Variants in LMX1B observed in about 807,000 individuals in gnomAD.
LMX1B encodes LIM homeobox transcription factor 1-beta.
LMX1B carries 12 observed loss-of-function variants against 51.4 expected under a neutral mutation model. The observed-to-expected ratio is 0.23, with a 90% CI of 0.15 to 0.38. LMX1B has a LOEUF of 0.38. Ranked by LOEUF, LMX1B falls within the 10% of genes least tolerant of loss-of-function variation. The pLI, the probability that LMX1B is intolerant of heterozygous loss-of-function variation, is 1.00. For synonymous variants in LMX1B, 237 were observed against 235.4 expected (o/e 1.01, Z -0.06); for missense variants, 445 against 571.1 (o/e 0.78, Z 2.25).
At chr9:126,634,757 C>T (rs761507530) in intron 2 of LMX1B, among the ~76,000 whole-genome samples, 3 of 152,120 alleles carry the variant, frequency 2.0e-5, no homozygotes, top group African/African-American at 4.8e-5. Flanking sequence ...GGGAGGGCCC[C>T]GCTGCGAGTG....
chr9:126,696,319 C>T lies in LMX1B; in HGVS notation c.1077C>T (p.Ile359=), dbSNP rs752551772. Residue 359 remains isoleucine, a synonymous_variant, in exon 8 of 8, where the codon ATC becomes ATT. Coordinates refer to ENST00000373474, the MANE Select transcript of LMX1B (RefSeq NM_001174147.2). ...PYGNDSIFHD[I]DSDTSLTSLS... ...GGAACGACTCCATCTTCCATGACAT[C>T]GACAGCGATACCTCCTTAACCAGCC... The T allele has an allele frequency of 1.5e-5, 24 of 1,613,972 alleles. No homozygotes were observed. The Admixed American group carries it at 2.0e-4, about 13-fold the overall frequency.
At position 126,697,848 on chromosome 9, in the gene LMX1B, TGTTTTGTTTTG is replaced by T. The variant is rs771543585; in HGVS notation, c.*1398_*1408del. 846 of 121,582 alleles carry T rather than the reference TGTTTTGTTTTG, an allele frequency of 7.0e-3. 13 individuals carry two copies. Among genetic ancestry groups the T allele is most frequent in the African/African-American group, 0.023 (689 of 29,852 alleles). 7.5% of individuals were successfully genotyped at this position (121,582 alleles called of 1,614,324 possible). Reference sequence around the variant, plus strand: ...GATGGGGGCACCTACTGTTTTGTTTTGTTTTGTTTTGTTTTGTTTTGTTTTGTTTTGTTTTG... The same window carrying T: ...GATGGGGGCACCTACTGTTTTGTTTTTTTTGTTTTGTTTTGTTTTGTTTTG... On this transcript the variant is annotated 3_prime_UTR_variant, in exon 8 of 8. Transcript: ENST00000373474.
chr9:126,675,191 C>T (rs1328170995), intron 2 of LMX1B, among the ~76,000 whole-genome samples: 2 of 151,752 alleles, frequency 1.3e-5, no homozygotes, highest in Non-Finnish European at 3.0e-5. Context: ...CCAAAATACA[C>T]CCAAAACCAG....
rs927998810 is a variant in LMX1B at position 126,677,951 on chromosome 9, G to A, written c.327-12885G>A. 2.6e-5 allele frequency among the ~76,000 whole-genome samples: 4 copies of A among 152,178 alleles called. No individual in the cohort carries two copies. The highest frequency in any genetic ancestry group is 2.0e-4 in the Admixed American group (3 of 15,278). Reference sequence around the variant, plus strand: ...GGAGATGGTTGGTCCTCCCTCTGGAGGAGAGAGCTACCATGCCTCAAGGTC... The same window carrying A: ...GGAGATGGTTGGTCCTCCCTCTGGAAGAGAGAGCTACCATGCCTCAAGGTC... On this transcript the variant is annotated intron_variant, in intron 2 of 7. Transcript: ENST00000373474. This position sits in a 1 kb window ranked among gnomAD's most constrained non-coding sequence, Gnocchi z 5.0.
At chr9:126,681,130 C>T (rs917867692) in intron 2 of LMX1B, among the ~76,000 whole-genome samples, 2 of 152,294 alleles carry the variant, frequency 1.3e-5, no homozygotes, top group Non-Finnish European at 2.9e-5. Flanking sequence ...CACATGGACA[C>T]GGCTGCTCAC....
intron 2 of LMX1B, 111 bp from the exon 3 acceptor site, chr9:126,690,725 T>G: frequency 1.1e-6 from 1 of 921,896 alleles, no homozygotes. Flanking sequence ...GGCCTCTCCC[T>G]CCCACCTGGG....
chr9:126,689,811 G>A (rs1455549566), intron 2 of LMX1B, among the ~76,000 whole-genome samples: 4 of 152,222 alleles, frequency 2.6e-5, no homozygotes, highest in South Asian at 2.1e-4. Context: ...CTACCCATGC[G>A]ACCCTGAGCA....
chr9:126,632,928 T>C (rs998707982), intron 2 of LMX1B, among the ~76,000 whole-genome samples: 1 of 152,218 alleles, frequency 6.6e-6, no homozygotes, highest in African/African-American at 2.4e-5. Flanking sequence ...AACAAGTGGC[T>C]CTGCCCCTGC....
At position 126,700,558 on chromosome 9, in the gene LMX1B, G is replaced by A. The variant is rs1471546763; in HGVS notation, c.*4107G>A. ...GGGCTAAGTCTGCCCTGGGGGGAAAGGGCTCCACGCTCACACGCACGCGCT... is the reference window on the plus strand; with the variant it reads ...GGGCTAAGTCTGCCCTGGGGGGAAAAGGCTCCACGCTCACACGCACGCGCT... On this transcript the variant is annotated 3_prime_UTR_variant, in exon 8 of 8. Coordinates refer to ENST00000373474, the MANE Select transcript of LMX1B (RefSeq NM_001174147.2). 1 of 152,544 alleles carries A rather than the reference G, an allele frequency of 6.6e-6. No individual in the cohort carries two copies. Among genetic ancestry groups the A allele is most frequent in the Non-Finnish European group, 1.5e-5 (1 of 68,312 alleles). The allele number at this position is 152,544 out of a possible 1,614,324, so 9.4% of individuals were successfully genotyped here. A position where few individuals can be genotyped will look rare whatever the true frequency, so the allele number is the denominator to read the frequency against.
chr9:126,671,871 T>A lies in LMX1B; in HGVS notation c.327-18965T>A, dbSNP rs1339598087. ...TTGGCCAGGCCTCCACTCCCCTCCC[T>A]CCAGAGGGGCAGAGAGGGAATAGAG... On this transcript the variant is annotated intron_variant, in intron 2 of 7. Transcript: ENST00000373474. The surrounding 1 kb of genome is among the most constrained non-coding windows in gnomAD (Gnocchi z 4.4). 6.6e-6 allele frequency among the ~76,000 whole-genome samples: 1 copy of A among 152,140 alleles called. No individual in the cohort carries two copies. The highest frequency in any genetic ancestry group is 1.5e-5 in the Non-Finnish European group (1 of 68,006).
chr9:126,693,826 G>C lies in LMX1B; in HGVS notation c.886+14G>C. The C allele has an allele frequency of 1.7e-6, 2 of 1,196,120 alleles. No individual in the cohort carries two copies. The highest frequency in any genetic ancestry group is 2.4e-6 in the Non-Finnish European group (2 of 836,568). The allele number at this position is 1,196,120 out of a possible 1,614,324, so 74.1% of individuals were successfully genotyped here. On this transcript the variant is annotated intron_variant, in intron 6 of 7. Coordinates refer to ENST00000373474, the MANE Select transcript of LMX1B (RefSeq NM_001174147.2). ...GGCTGGGCCAGGGTGAGCCGGGGCC[G>C]GGGCAGGGCCTGGGCCAGGGTGAGC... is the stretch of plus-strand genomic sequence containing the variant.
intron 2 of LMX1B, among the ~76,000 whole-genome samples, chr9:126,642,200 C>A (rs1835821781): frequency 6.6e-6 from 1 of 152,152 alleles, no homozygotes; most frequent in Non-Finnish European, 1.5e-5. Context: ...CCTGGCACAC[C>A]CGGGCCTGGG....
rs753938151 is a variant in LMX1B at position 126,697,045 on chromosome 9, C to T, written c.*594C>T. ...GCAGGCGCAAAGGGACAGAGAGGCA[C>T]GTGCAGACACATGCACACTTGCAGA... On this transcript the variant is annotated 3_prime_UTR_variant, in exon 8 of 8. Transcript: ENST00000373474. The T allele has an allele frequency of 1.4e-4, 24 of 167,484 alleles. No individual in the cohort carries two copies. The highest frequency in any genetic ancestry group is 2.3e-4 in the Non-Finnish European group (18 of 76,700). The allele number at this position is 167,484 out of a possible 1,614,324, so 10.4% of individuals were successfully genotyped here. A position where few individuals can be genotyped will look rare whatever the true frequency, so the allele number is the denominator to read the frequency against.
In LMX1B at chr9:126,692,291, C is replaced by T. The variant is rs531273650; in HGVS notation, c.560-851C>T. On this transcript the variant is annotated intron_variant, in intron 3 of 7. Transcript: ENST00000373474. ...GGGGTCTCAGTGGGAGGAGATCACCCGCCTCATACTCCAAGAACAGGATTG... is the reference window on the plus strand; with the variant it reads ...GGGGTCTCAGTGGGAGGAGATCACCTGCCTCATACTCCAAGAACAGGATTG... Among the ~76,000 whole-genome samples, 580 of 152,270 alleles carry T rather than the reference C, an allele frequency of 3.8e-3. 5 individuals are homozygous for T. Among genetic ancestry groups the T allele is most frequent in the Non-Finnish European group, 6.1e-3 (417 of 68,030 alleles).
rs540379418 is a variant in LMX1B, at chr9:126,619,772, G to A, written c.326+4203G>A. Among the ~76,000 whole-genome samples, 11 of 152,250 alleles carry A rather than the reference G, an allele frequency of 7.2e-5. No homozygotes were observed. In the East Asian group the frequency reaches 1.7e-3, roughly 24 times the overall value. Reference sequence around the variant, plus strand: ...ACTCCTGGCTCACCCTCGACTCCCCGGGCGCTGGGCTGGTGTGGCCTTATT... The same window carrying A: ...ACTCCTGGCTCACCCTCGACTCCCCAGGCGCTGGGCTGGTGTGGCCTTATT... On this transcript the variant is annotated intron_variant, in intron 2 of 7. Coordinates refer to ENST00000373474, the MANE Select transcript of LMX1B (RefSeq NM_001174147.2).
rs2118959545 is a variant in LMX1B, at chr9:126,677,828, G to A, written c.327-13008G>A. Among the ~76,000 whole-genome samples the A allele has an allele frequency of 6.6e-6, 1 of 152,362 alleles. No homozygotes were observed. The highest frequency in any genetic ancestry group is 3.4e-3 in the Middle Eastern group (1 of 294). On this transcript the variant is annotated intron_variant, in intron 2 of 7. Transcript: ENST00000373474. The surrounding 1 kb of genome is among the most constrained non-coding windows in gnomAD (Gnocchi z 5.0). The stretch of plus-strand genomic sequence containing the variant: ...AGGAGGAAGCTTAGTCCAGATCTCA[G>A]GAAAGAGACTGGGTAGTAAGGCCCT...
intron 2 of LMX1B, among the ~76,000 whole-genome samples, chr9:126,628,855 AG>A (rs905423705): frequency 6.6e-6 from 1 of 151,940 alleles, no homozygotes; most frequent in Non-Finnish European, 1.5e-5. Flanking sequence ...CCAAGCGGGG[AG>A]GGGGGTGTGG....
intron 2 of LMX1B, among the ~76,000 whole-genome samples, chr9:126,684,528 G>A (rs532686372): frequency 3.9e-5 from 6 of 152,198 alleles, no homozygotes; most frequent in Non-Finnish European, 7.3e-5. Flanking sequence ...GAGAAGGGAT[G>A]TGAATCACCC....
chr9:126,696,173 C>T, intron 7 of LMX1B, 121 bp from the exon 8 acceptor site: 3 of 1,198,612 alleles, frequency 2.5e-6, no homozygotes, highest in Non-Finnish European at 3.7e-6. Context: ...TCTTGGCCGG[C>T]ACTAGTCAGC....
Sources: gnomAD v4.1 joint callset for allele counts (sites outside exome capture counted in the v4.1 genomes callset) on GRCh38, gnomAD v4.1.1 for gene constraint, Gnocchi (gnomAD v3.1) non-coding constraint, MANE v1.5 for transcripts, NCBI Gene and HGNC (gene_info 2026-07-23, HGNC 2026-07-21) for gene names.